Variants in FGD4 observed in about 807,000 individuals in gnomAD.
FGD4 encodes FYVE, RhoGEF and PH domain-containing protein 4.
FGD4 carries 42 observed loss-of-function variants against 102.0 expected under a neutral mutation model. The observed-to-expected ratio is 0.41, with a 90% confidence interval of 0.32 to 0.53. FGD4 has a LOEUF of 0.53. FGD4 is among the 20% of genes least tolerant of loss of function. FGD4 has a pLI of 0.21. For synonymous variants in FGD4, 380 were observed against 375.7 expected, an observed-to-expected ratio of 1.01 and a Z score of -0.13; for missense variants, 902 against 1,078.2, an observed-to-expected ratio of 0.84 and a Z score of 2.29.
intron 2 of FGD4, among the ~76,000 whole-genome samples, chr12:32,570,567 A>G (rs1196825718): frequency 6.6e-6 from 1 of 151,742 alleles, no homozygotes; most frequent in Non-Finnish European, 1.5e-5. Context: ...TCAGCCTCCC[A>G]AGTAGCTGGG....
chr12:32,457,953 T>C (rs1942989063), intron 1 of FGD4, among the ~76,000 whole-genome samples: 1 of 152,054 alleles, frequency 6.6e-6, no homozygotes, highest in Non-Finnish European at 1.5e-5. Flanking sequence ...CAGGATTGTT[T>C]TCTTTTAATT....
chr12:32,404,535 A>T (rs1381578020), intron 1 of FGD4, among the ~76,000 whole-genome samples: 2 of 152,124 alleles, frequency 1.3e-5, no homozygotes, highest in African/African-American at 4.8e-5. Context: ...CTATTGCAGT[A>T]CCCTGCACCT....
chr12:32,600,156 G>A (rs999879090), intron 5 of FGD4, among the ~76,000 whole-genome samples: 5 of 152,156 alleles, frequency 3.3e-5, no homozygotes, highest in African/African-American at 4.8e-5. Flanking sequence ...TTCACCATAA[G>A]CCAAAATCAA....
At chr12:32,442,878 A>G (rs1283309463) in intron 1 of FGD4, among the ~76,000 whole-genome samples, 1 of 152,172 alleles carries the variant, frequency 6.6e-6, no homozygotes, top group African/African-American at 2.4e-5. Context: ...TATAGTAGCC[A>G]TTCTAACAGG....
In FGD4 at chr12:32,624,527, G is replaced by C; in HGVS notation, c.1953+75G>C. The C allele has an allele frequency of 3.2e-6, 4 of 1,250,144 alleles. No homozygotes were observed. The South Asian group carries it at 5.2e-5, about 16-fold the overall frequency. The allele number at this position is 1,250,144 out of a possible 1,614,324, so 77.4% of individuals were successfully genotyped here. On this transcript the variant is annotated intron_variant, in intron 12 of 16. Transcript: ENST00000534526. ...GTCTCACTCTCACCCAGTCTGGAGTGCAGTGGTGTGATCATGTCTCACTGC... is the reference window on the plus strand; with the variant it reads ...GTCTCACTCTCACCCAGTCTGGAGTCCAGTGGTGTGATCATGTCTCACTGC...
At chr12:32,499,963 A>T (rs56281989) in intron 1 of FGD4, among the ~76,000 whole-genome samples, 7,140 of 152,356 alleles carry the variant, frequency 0.047, 573 homozygotes, top group African/African-American at 0.16. Context: ...GGCTGCAGTG[A>T]GCCAAGATCG....
chr12:32,575,417 G>A (rs1946047488), intron 2 of FGD4, among the ~76,000 whole-genome samples: 1 of 152,154 alleles, frequency 6.6e-6, no homozygotes, highest in Non-Finnish European at 1.5e-5. Flanking sequence ...GGAGGTTTCA[G>A]GCTCTTTTTA....
chr12:32,531,196 G>A (rs568402722), intron 1 of FGD4, among the ~76,000 whole-genome samples: 4 of 151,764 alleles, frequency 2.6e-5, no homozygotes, highest in South Asian at 2.1e-4. Flanking sequence ...TGATCCGCCC[G>A]CCTCGGCCTC....
At chr12:32,639,024 C>G in intron 16 of FGD4, 1 of 1,236,604 alleles carries the variant, frequency 8.1e-7, no homozygotes, top group Non-Finnish European at 1.1e-6. Context: ...TTGTCTCATT[C>G]AATGGGTTTG....
At chr12:32,540,159 C>G (rs1278844661) in intron 1 of FGD4, among the ~76,000 whole-genome samples, 1 of 152,186 alleles carries the variant, frequency 6.6e-6, no homozygotes, top group African/African-American at 2.4e-5. Flanking sequence ...TCACTATACT[C>G]AATCCTAAAA....
Position 32,602,337 on chromosome 12 carries a change from C to A in FGD4, c.1404+20C>A. 6.2e-7 allele frequency: 1 copy of A among 1,613,174 alleles called. No homozygotes were observed. The highest frequency in any genetic ancestry group is 1.1e-5 in the South Asian group (1 of 90,984). ...ATTCAGGTAATAGGACTGTTTTGTT[C>A]AAAGCTATGAATTACTATTTCCATA... is the stretch of plus-strand genomic sequence containing the variant. On this transcript the variant is annotated intron_variant, in intron 7 of 16. Coordinates refer to ENST00000534526, the MANE Select transcript of FGD4 (RefSeq NM_001370298.3).
Position 32,643,460 on chromosome 12 carries a change from C to T in FGD4, c.*2927C>T, listed in dbSNP as rs113787244. 9.4e-6 allele frequency: 1 copy of T among 106,712 alleles called. No individual in the cohort carries two copies. The highest frequency in any genetic ancestry group is 2.6e-5 in the Non-Finnish European group (1 of 38,818). The allele number at this position is 106,712 out of a possible 1,614,324, so 6.6% of individuals were successfully genotyped here. A position where few individuals can be genotyped will look rare whatever the true frequency, so the allele number is the denominator to read the frequency against. The stretch of plus-strand genomic sequence containing the variant: ...GCATCATTCCTTGGATTTTAAATAA[C>T]TATCAAGAACATTTTTACTTTAACA... On this transcript the variant is annotated 3_prime_UTR_variant, in exon 17 of 17. Transcript: ENST00000534526.
intron 1 of FGD4, among the ~76,000 whole-genome samples, chr12:32,459,492 C>T (rs1431802342): frequency 1.3e-5 from 2 of 151,984 alleles, no homozygotes; most frequent in Non-Finnish European, 2.9e-5. Context: ...TGTGTCTGGC[C>T]AGACACTGCT....
intron 1 of FGD4, among the ~76,000 whole-genome samples, chr12:32,439,873 CTTG>C (rs1942370356): frequency 6.6e-6 from 1 of 151,544 alleles, no homozygotes; most frequent in Non-Finnish European, 1.5e-5. Flanking sequence ...TCTTTAGTCT[CTTG>C]TGTGTGTTTT....
chr12:32,614,452 A>C (rs749027411), intron 10 of FGD4, among the ~76,000 whole-genome samples: 1 of 152,216 alleles, frequency 6.6e-6, no homozygotes, highest in Non-Finnish European at 1.5e-5. Flanking sequence ...TGCTCAAGGC[A>C]ATATGCCTGC....
At position 32,594,707 on chromosome 12, in the gene FGD4, T is replaced by C. The variant is rs1438555359; in HGVS notation, c.1012-3790T>C. ...ACCAAAAAGGGTAAATTTTACTGTT[T>C]ATAAATTATGCCTCAACCATTCTGG... On this transcript the variant is annotated intron_variant, in intron 4 of 16. Transcript: ENST00000534526. 2.0e-5 allele frequency among the ~76,000 whole-genome samples: 3 copies of C among 151,518 alleles called. No individual in the cohort carries two copies. In the East Asian group the frequency reaches 5.8e-4, roughly 29 times the overall value.
chr12:32,404,520 A>G (rs148647368), intron 1 of FGD4, among the ~76,000 whole-genome samples: 2 of 152,188 alleles, frequency 1.3e-5, no homozygotes, highest in African/African-American at 4.8e-5. Flanking sequence ...AAGTTTCAGA[A>G]AGTCCTATTG....
intron 1 of FGD4, among the ~76,000 whole-genome samples, chr12:32,480,389 C>A (rs1943708456): frequency 6.6e-6 from 1 of 151,926 alleles, no homozygotes; most frequent in Admixed American, 6.6e-5. Flanking sequence ...GTCTCGATCT[C>A]TTGTCTTCGT....
At chr12:32,508,553 G>A (rs1247002808) in intron 1 of FGD4, among the ~76,000 whole-genome samples, 1 of 152,184 alleles carries the variant, frequency 6.6e-6, no homozygotes, top group East Asian at 1.9e-4. Flanking sequence ...AGTCAAAAAA[G>A]CTCTTGAAAA....
Sources: gnomAD v4.1 joint callset for allele counts (sites outside exome capture counted in the v4.1 genomes callset) on GRCh38, gnomAD v4.1.1 for gene constraint, MANE v1.5 for transcripts, NCBI Gene and HGNC (gene_info 2026-07-23, HGNC 2026-07-21) for gene names.